TNR: variants seen among roughly 807,000 people sequenced by gnomAD.
TNR encodes tenascin-R.
Under a neutral mutation model 150.4 loss-of-function variants are expected in TNR, and 45 were observed. That is an observed-to-expected ratio of 0.30 (90% confidence interval 0.24 to 0.38). The LOEUF is 0.38. Ranked by LOEUF, TNR falls within the 10% of genes least tolerant of loss-of-function variation. The pLI is 1.00. For missense variants in TNR, 1,544 were observed against 1,759.1 expected (o/e 0.88, Z 2.19); for synonymous variants, 687 against 678.4 (o/e 1.01, Z -0.20).
At chr1:175,411,226 T>C (rs929440199) in intron 2 of TNR, among the ~76,000 whole-genome samples, 2 of 152,138 alleles carry the variant, frequency 1.3e-5, no homozygotes, top group African/African-American at 4.8e-5. Context: ...GACTTCCTGG[T>C]CACTGGAAGT....
chr1:175,743,044 G>A (rs1309169390), intron 1 of TNR, among the ~76,000 whole-genome samples, 182 bp downstream of exon 1: 1 of 151,830 alleles, frequency 6.6e-6, no homozygotes, highest in African/African-American at 2.4e-5. Context: ...ACATAGTTTT[G>A]CGCCTTTCTT....
chr1:175,403,502 G>A lies in TNR; in HGVS notation c.614C>T (p.Pro205Leu), dbSNP rs761891641. 1.3e-5 allele frequency: 21 copies of A among 1,614,078 alleles called. No individual in the cohort carries two copies. Among genetic ancestry groups the A allele is most frequent in the Admixed American group, 1.2e-4 (7 of 60,010 alleles). The part of the protein sequence containing the change: ...FGKNCSEPYC[P>L]LGCSSRGVCV... ...CACCCCCCGGCTGGAGCAACCCAGCGGGCAGTAGGGCTCCGAGCAATTCTT... is the reference window on the plus strand; with the variant it reads ...CACCCCCCGGCTGGAGCAACCCAGCAGGCAGTAGGGCTCCGAGCAATTCTT... The change falls in exon 4 of 23, where the codon CCG becomes CTG. Residue 205 changes from proline to leucine, a missense_variant. Physicochemically the swap from Pro to Leu is moderately conservative, Grantham distance 98 (BLOSUM62 -3). This residue lies in a region of TNR where 1,254 missense variants were observed against 1,329.4 expected (regional missense o/e 0.94). Transcript: ENST00000367674.
chr1:175,379,185 A>G (rs1460030577), intron 9 of TNR, among the ~76,000 whole-genome samples: 12 of 20,458 alleles, frequency 5.9e-4, no homozygotes, highest in African/African-American at 2.1e-3. Flanking sequence ...GTCTCAAAAA[A>G]AAAAAAAAAA....
chr1:175,629,542 G>A (rs576831959), intron 1 of TNR, among the ~76,000 whole-genome samples: 7 of 152,260 alleles, frequency 4.6e-5, no homozygotes, highest in African/African-American at 1.4e-4. Context: ...AGGTGGGACT[G>A]GCCTCACTAA....
At chr1:175,537,837 G>A (rs1434974098) in intron 1 of TNR, among the ~76,000 whole-genome samples, 1 of 152,208 alleles carries the variant, frequency 6.6e-6, no homozygotes, top group Non-Finnish European at 1.5e-5. Flanking sequence ...GTGAGCCAGG[G>A]CCTGCTTCTG....
At chr1:175,447,286 T>C (rs927144110) in intron 2 of TNR, among the ~76,000 whole-genome samples, 1 of 152,102 alleles carries the variant, frequency 6.6e-6, no homozygotes, top group African/African-American at 2.4e-5. Context: ...AGTGGATTTG[T>C]TCTTCTTCTT....
intron 2 of TNR, among the ~76,000 whole-genome samples, chr1:175,507,371 A>C (rs986234075): frequency 3.3e-5 from 5 of 152,154 alleles, no homozygotes; most frequent in Admixed American, 3.3e-4. Flanking sequence ...TTCTGCCATC[A>C]GAGTTCTTTT....
intron 2 of TNR, among the ~76,000 whole-genome samples, chr1:175,522,888 A>G (rs769503689): frequency 2.0e-5 from 3 of 152,226 alleles, no homozygotes; most frequent in Non-Finnish European, 2.9e-5. Context: ...TGGCATACCA[A>G]TGGATAATTT....
chr1:175,687,193 C>A (rs1022824242), intron 1 of TNR, among the ~76,000 whole-genome samples: 2 of 152,120 alleles, frequency 1.3e-5, no homozygotes, highest in African/African-American at 2.4e-5. Context: ...TCCACTGGTG[C>A]CTGTCCTGCC....
At chr1:175,657,172 A>C (rs1665203140) in intron 1 of TNR, among the ~76,000 whole-genome samples, 1 of 152,204 alleles carries the variant, frequency 6.6e-6, no homozygotes, top group East Asian at 1.9e-4. Context: ...GGTCCCCATC[A>C]AGATGCCAGG....
At chr1:175,375,309 C>T (rs1319005398) in intron 9 of TNR, among the ~76,000 whole-genome samples, 1 of 151,840 alleles carries the variant, frequency 6.6e-6, no homozygotes, top group African/African-American at 2.4e-5. Context: ...GGTGCACAGG[C>T]CAAACAGACA....
chr1:175,372,122 T>A (rs562791150), intron 9 of TNR, among the ~76,000 whole-genome samples: 1 of 152,036 alleles, frequency 6.6e-6, no homozygotes, highest in East Asian at 1.9e-4. Context: ...TCTCTCATTG[T>A]GTGATGCGCG....
At chr1:175,361,828 C>T (rs779997557) in intron 14 of TNR, among the ~76,000 whole-genome samples, 5 of 152,118 alleles carry the variant, frequency 3.3e-5, no homozygotes, top group South Asian at 2.1e-4. Context: ...AGTTCTGCAG[C>T]GAATCTTTGC....
intron 17 of TNR, among the ~76,000 whole-genome samples, 198 bp from the exon 18 acceptor site, chr1:175,354,721 C>T (rs1454101178): frequency 2.0e-5 from 3 of 152,152 alleles, no homozygotes; most frequent in African/African-American, 7.2e-5. Context: ...TAGGCCAGCT[C>T]CTATCTCAGG....
intron 2 of TNR, among the ~76,000 whole-genome samples, chr1:175,426,862 T>A (rs979956411): frequency 1.9e-5 from 1 of 53,794 alleles, no homozygotes; most frequent in African/African-American, 1.0e-4. Context: ...TAAATATATA[T>A]AAAATATATT....
At chr1:175,625,848 TG>T (rs1036820328) in intron 1 of TNR, among the ~76,000 whole-genome samples, 3 of 152,176 alleles carry the variant, frequency 2.0e-5, no homozygotes, top group Non-Finnish European at 4.4e-5. Flanking sequence ...CCCCACAGGC[TG>T]AAATGATATC....
chr1:175,445,264 C>T (rs962635132), intron 2 of TNR, among the ~76,000 whole-genome samples: 4 of 151,708 alleles, frequency 2.6e-5, no homozygotes, highest in African/African-American at 4.8e-5. Flanking sequence ...TGCGAGACTC[C>T]GTCTCAAAAA....
intron 1 of TNR, among the ~76,000 whole-genome samples, chr1:175,658,630 C>G (rs1383748429): frequency 3.9e-5 from 6 of 152,214 alleles, no homozygotes; most frequent in Non-Finnish European, 1.5e-5. Flanking sequence ...TGCTCATGAT[C>G]TGGCAATATA....
chr1:175,557,180 C>T (rs371151972), intron 1 of TNR, among the ~76,000 whole-genome samples: 1 of 152,172 alleles, frequency 6.6e-6, no homozygotes, highest in Non-Finnish European at 1.5e-5. Context: ...TGGAAGCAGA[C>T]CTTTCTCCAA....
Sources: allele counts gnomAD v4.1 joint callset (sites outside exome capture counted in the v4.1 genomes callset), GRCh38; gene constraint gnomAD v4.1.1; regional missense constraint gnomAD v4.1.1; transcripts MANE v1.5; gene names NCBI Gene and HGNC (gene_info 2026-07-23, HGNC 2026-07-21).